MEIS2: variants seen among roughly 807,000 people sequenced by gnomAD.
MEIS2 encodes homeobox protein Meis2.
Under a neutral mutation model 58.6 loss-of-function variants are expected in MEIS2, and 9 were observed. The ratio of observed to expected loss-of-function variants is 0.15; its 90% confidence interval spans 0.09 to 0.27. The LOEUF (loss-of-function observed/expected upper bound fraction) is 0.27. Among genes scored for constraint, MEIS2 ranks in the 10% least tolerant of loss-of-function variants. MEIS2 has a pLI of 1.00. For missense variants in MEIS2, 427 were observed against 635.0 expected (o/e 0.67, Z 3.52); for synonymous variants, 221 against 228.4 (o/e 0.97, Z 0.29).
chr15:37,067,088 CTTT>C (rs542247552), intron 7 of MEIS2, among the ~76,000 whole-genome samples: 8 of 129,526 alleles, frequency 6.2e-5, no homozygotes, highest in African/African-American at 8.5e-5. Context: ...GCAACTAACT[CTTT>C]TTTTTTTTTT....
chr15:36,983,811 C>T (rs558699705), intron 8 of MEIS2, among the ~76,000 whole-genome samples: 1 of 151,988 alleles, frequency 6.6e-6, no homozygotes, highest in Non-Finnish European at 1.5e-5. Context: ...GTGATTTTGT[C>T]AACTTCTTTC....
chr15:36,955,314 T>A (rs1295481713), intron 8 of MEIS2, among the ~76,000 whole-genome samples: 1 of 152,206 alleles, frequency 6.6e-6, no homozygotes, highest in Non-Finnish European at 1.5e-5. Context: ...TACTTGGTAT[T>A]CATAATTTTT....
In MEIS2 at chr15:36,994,436, A is replaced by T. The variant is rs1405117011; in HGVS notation, c.900+42378T>A. On this transcript the variant is annotated intron_variant, in intron 8 of 11. Coordinates refer to ENST00000561208, the MANE Select transcript of MEIS2 (RefSeq NM_170675.5). Reference sequence around the variant, plus strand: ...CATATTTTGTGAAATCATTTATAAGACTACCAAATGTCTTGGGAACTTTTC... The same window carrying T: ...CATATTTTGTGAAATCATTTATAAGTCTACCAAATGTCTTGGGAACTTTTC... Among the ~76,000 whole-genome samples the T allele has an allele frequency of 2.6e-5, 4 of 152,208 alleles. No homozygotes were observed. The South Asian group carries it at 6.2e-4, about 24-fold the overall frequency.
chr15:36,996,149 A>C (rs113392479), intron 8 of MEIS2, among the ~76,000 whole-genome samples: 1 of 151,612 alleles, frequency 6.6e-6, no homozygotes, highest in Non-Finnish European at 1.5e-5. Context: ...AGGAAAACCA[A>C]GCTACTGTTA....
rs553866211 is a variant in MEIS2 at position 36,998,839 on chromosome 15, G to A, written c.900+37975C>T. ...TAGAGATTCCCCTCCTAACTTAGTT[G>A]ATGAAACTAAGCCTGGAAGATTAAG... On this transcript the variant is annotated intron_variant, in intron 8 of 11. Transcript: ENST00000561208. Among the ~76,000 whole-genome samples, 6 of 152,298 alleles carry A rather than the reference G, an allele frequency of 3.9e-5. No individual in the cohort carries two copies. In the South Asian group the frequency reaches 1.2e-3, roughly 32 times the overall value.
intron 7 of MEIS2, among the ~76,000 whole-genome samples, chr15:37,075,521 A>C (rs1891284581): frequency 6.6e-6 from 1 of 152,128 alleles, no homozygotes; most frequent in Non-Finnish European, 1.5e-5. Flanking sequence ...GTTCAGGCAC[A>C]CATCAGTGAA....
At chr15:37,030,662 T>TA (rs397955423) in intron 8 of MEIS2, among the ~76,000 whole-genome samples, 1 of 149,748 alleles carries the variant, frequency 6.7e-6, no homozygotes, top group Non-Finnish European at 1.5e-5. Context: ...TTATTATTAT[T>TA]TTTTCTTTGA....
intron 8 of MEIS2, among the ~76,000 whole-genome samples, chr15:36,980,026 A>C (rs188880860): frequency 4.0e-5 from 6 of 151,834 alleles, no homozygotes; most frequent in African/African-American, 1.4e-4. Flanking sequence ...ATTTATGAAA[A>C]AGATATGCCT....
intron 8 of MEIS2, among the ~76,000 whole-genome samples, chr15:36,953,657 G>A (rs2058843939): frequency 6.6e-6 from 1 of 152,172 alleles, no homozygotes; most frequent in African/African-American, 2.4e-5. Flanking sequence ...TTGAATAGAA[G>A]TCAATCACAA....
At chr15:36,950,740 C>T (rs1362622509) in intron 8 of MEIS2, among the ~76,000 whole-genome samples, 7 of 152,104 alleles carry the variant, frequency 4.6e-5, no homozygotes, top group South Asian at 2.1e-4. Flanking sequence ...GAACTGGTTT[C>T]AGGCCCCTTT....
intron 9 of MEIS2, among the ~76,000 whole-genome samples, chr15:36,904,725 C>A (rs921420729): frequency 6.6e-6 from 1 of 151,462 alleles, no homozygotes; most frequent in South Asian, 2.1e-4. Context: ...GCTGGGTAAA[C>A]GTCCAGAAAG....
intron 8 of MEIS2, among the ~76,000 whole-genome samples, chr15:37,015,814 A>G (rs569509821): frequency 1.3e-5 from 2 of 152,246 alleles, no homozygotes; most frequent in South Asian, 4.1e-4. Flanking sequence ...ACGAGGCTCT[A>G]GATATCCTCG....
chr15:36,965,545 A>G (rs183947459), intron 8 of MEIS2, among the ~76,000 whole-genome samples: 1 of 152,374 alleles, frequency 6.6e-6, no homozygotes, highest in East Asian at 1.9e-4. Flanking sequence ...GCCTAAAGAA[A>G]TTAAAAGCCA....
intron 11 of MEIS2, among the ~76,000 whole-genome samples, chr15:36,893,461 A>C (rs769531411): frequency 5.3e-5 from 8 of 152,246 alleles, no homozygotes; most frequent in South Asian, 2.1e-4. Flanking sequence ...ACAATAACAC[A>C]GCCTGCATAG....
chr15:36,904,471 C>T (rs148565944), intron 9 of MEIS2, among the ~76,000 whole-genome samples: 43 of 152,302 alleles, frequency 2.8e-4, no homozygotes, highest in African/African-American at 7.7e-4. Context: ...ATGAACCACA[C>T]GCTCCTGAGT....
intron 7 of MEIS2, among the ~76,000 whole-genome samples, chr15:37,078,729 G>A (rs1263240307): frequency 6.6e-6 from 1 of 151,150 alleles, no homozygotes; most frequent in African/African-American, 2.4e-5. Context: ...ATCTGGGAAA[G>A]AAAGCTATGA....
At chr15:37,042,691 G>A (rs1473574072) in intron 7 of MEIS2, among the ~76,000 whole-genome samples, 1 of 152,232 alleles carries the variant, frequency 6.6e-6, no homozygotes, top group Non-Finnish European at 1.5e-5. Context: ...GGACCCTGGG[G>A]TTGGGACTGA....
intron 8 of MEIS2, among the ~76,000 whole-genome samples, chr15:37,018,932 C>A (rs2061433744): frequency 6.6e-6 from 1 of 152,106 alleles, no homozygotes; most frequent in Admixed American, 6.5e-5. Flanking sequence ...ATGACAGTCC[C>A]AAACATCACC....
At chr15:36,928,016 T>G (rs889470764) in intron 9 of MEIS2, among the ~76,000 whole-genome samples, 3 of 152,162 alleles carry the variant, frequency 2.0e-5, no homozygotes, top group African/African-American at 7.2e-5. Context: ...TGCTGTGACA[T>G]AAACCACCAT....
Sources: allele counts gnomAD v4.1 joint callset (sites outside exome capture counted in the v4.1 genomes callset), GRCh38; gene constraint gnomAD v4.1.1; transcripts MANE v1.5; gene names NCBI Gene and HGNC (gene_info 2026-07-23, HGNC 2026-07-21).